Variants in IRAK2 observed in about 807,000 individuals in gnomAD.
IRAK2 encodes interleukin 1 receptor associated kinase 2.
In IRAK2, 57 loss-of-function variants were observed where a neutral mutation model predicts 72.0. The observed-to-expected ratio is 0.79, with a 90% CI of 0.64 to 0.99. The LOEUF (loss-of-function observed/expected upper bound fraction) is 0.99, where lower values mean the gene tolerates loss of function less well. IRAK2 is among the 50% of genes least tolerant of loss of function. The pLI is 0.00. For missense variants in IRAK2, 790 were observed against 794.4 expected, an observed-to-expected ratio of 0.99 and a Z score of 0.07; for synonymous variants, 293 against 312.7, an observed-to-expected ratio of 0.94 and a Z score of 0.67.
intron 8 of IRAK2, among the ~76,000 whole-genome samples, chr3:10,221,308 C>T (rs1431247387): frequency 7.4e-6 from 1 of 135,854 alleles, no homozygotes; most frequent in Non-Finnish European, 1.5e-5. Context: ...GGCTGGAGTG[C>T]AGTGGCACAA....
In IRAK2 at chr3:10,225,354, G is replaced by C. The variant is rs182145006; in HGVS notation, c.1210-1017G>C. ...TTAGTTACTTGCCTAAAGATCACCT[G>C]AGCATATAAGGAACAGAGTCAGAAT... On this transcript the variant is annotated intron_variant, in intron 9 of 12. Transcript: ENST00000256458. Among the ~76,000 whole-genome samples the C allele has an allele frequency of 1.0e-3, 152 of 152,248 alleles. 1 individual carries two copies. The highest frequency in any genetic ancestry group is 3.6e-3 in the African/African-American group (150 of 41,546).
chr3:10,203,637 T>C (rs533919352), intron 3 of IRAK2, among the ~76,000 whole-genome samples: 8 of 152,176 alleles, frequency 5.3e-5, no homozygotes, highest in African/African-American at 1.9e-4. Context: ...ATATGTTTGT[T>C]TGTTTTGTTT....
intron 2 of IRAK2, among the ~76,000 whole-genome samples, chr3:10,184,722 T>TG (rs1444222821): frequency 1.1e-4 from 10 of 90,334 alleles, no homozygotes; most frequent in East Asian, 2.3e-4. Context: ...AGTTTTTGTG[T>TG]GTTTTTTTTT....
intron 12 of IRAK2, among the ~76,000 whole-genome samples, chr3:10,240,216 G>C (rs1359960471): frequency 6.6e-6 from 1 of 151,646 alleles, no homozygotes; most frequent in African/African-American, 2.4e-5. Flanking sequence ...CAGCACTTTG[G>C]GAGGCTGAGG....
intron 1 of IRAK2, among the ~76,000 whole-genome samples, chr3:10,166,487 GT>G (rs1201812093): frequency 6.6e-6 from 1 of 152,190 alleles, no homozygotes; most frequent in East Asian, 1.9e-4. Context: ...CTTTGGGCCA[GT>G]TTGTTAACCT....
chr3:10,206,292 C>T (rs140062781), intron 3 of IRAK2, among the ~76,000 whole-genome samples: 216 of 152,238 alleles, frequency 1.4e-3, no homozygotes, highest in Middle Eastern at 3.4e-3. Context: ...AAGCATGGTC[C>T]GGATGCAGAT....
intron 10 of IRAK2, among the ~76,000 whole-genome samples, chr3:10,229,436 A>G (rs543749965): frequency 6.6e-6 from 1 of 152,308 alleles, no homozygotes; most frequent in East Asian, 1.9e-4. Context: ...TGACAAATGT[A>G]TACAGTCATG....
intron 2 of IRAK2, among the ~76,000 whole-genome samples, chr3:10,188,368 G>A (rs898712975): frequency 6.6e-6 from 1 of 152,170 alleles, no homozygotes; most frequent in Non-Finnish European, 1.5e-5. Context: ...GGAGTCTCAC[G>A]CTGTCACCTG....
intron 10 of IRAK2, among the ~76,000 whole-genome samples, chr3:10,228,955 CAG>C (rs1559452668): frequency 6.7e-6 from 1 of 149,826 alleles, no homozygotes; most frequent in Non-Finnish European, 1.5e-5. Context: ...TTTTTCGAGA[CAG>C]AGTCTCGCTC....
intron 1 of IRAK2, among the ~76,000 whole-genome samples, chr3:10,171,262 T>C (rs73121461): frequency 0.013 from 1,970 of 152,332 alleles, 33 homozygotes; most frequent in African/African-American, 0.045. Flanking sequence ...CCAGCCTTTG[T>C]GCACAGCCCT....
intron 1 of IRAK2, among the ~76,000 whole-genome samples, chr3:10,174,359 C>T (rs1289534400): frequency 1.3e-5 from 2 of 152,136 alleles, no homozygotes; most frequent in Non-Finnish European, 2.9e-5. Context: ...GGTCACAGCA[C>T]TCACTGGCTC....
chr3:10,214,487 T>G (rs925841929), intron 6 of IRAK2, among the ~76,000 whole-genome samples: 3 of 139,058 alleles, frequency 2.2e-5, no homozygotes, highest in Non-Finnish European at 4.6e-5. Context: ...TGCCTTGACC[T>G]CCCAAGATGT....
At chr3:10,173,091 G>C (rs549207206) in intron 1 of IRAK2, among the ~76,000 whole-genome samples, 7 of 152,158 alleles carry the variant, frequency 4.6e-5, no homozygotes, top group Admixed American at 2.6e-4. Flanking sequence ...TCTGTACATA[G>C]AACTCATCTA....
intron 1 of IRAK2, among the ~76,000 whole-genome samples, chr3:10,171,261 G>A (rs747379498): frequency 3.9e-5 from 6 of 152,190 alleles, no homozygotes; most frequent in Non-Finnish European, 8.8e-5. Context: ...GCCAGCCTTT[G>A]TGCACAGCCC....
At chr3:10,225,808 C>T (rs753095797) in intron 9 of IRAK2, among the ~76,000 whole-genome samples, 3 of 151,926 alleles carry the variant, frequency 2.0e-5, no homozygotes, top group Admixed American at 6.6e-5. Context: ...ACGCCATTCT[C>T]CTGCCTCAGC....
At chr3:10,172,795 G>A (rs1334904225) in intron 1 of IRAK2, among the ~76,000 whole-genome samples, 7 of 132,722 alleles carry the variant, frequency 5.3e-5, no homozygotes, top group Admixed American at 5.2e-4. Flanking sequence ...CCAAGATCGC[G>A]CCACTGCACT....
intron 1 of IRAK2, among the ~76,000 whole-genome samples, chr3:10,175,402 T>TAGGCATGA (rs1367552725): frequency 6.6e-6 from 1 of 152,106 alleles, no homozygotes; most frequent in Non-Finnish European, 1.5e-5. Flanking sequence ...GCTAGGATTA[T>TAGGCATGA]AGGCATGAGC....
At chr3:10,170,425 C>G (rs1387562065) in intron 1 of IRAK2, among the ~76,000 whole-genome samples, 1 of 152,156 alleles carries the variant, frequency 6.6e-6, no homozygotes, top group Non-Finnish European at 1.5e-5. Context: ...GGATGTTTTC[C>G]AAGGGTATTA....
chr3:10,185,360 C>T lies in IRAK2; in HGVS notation c.277+7340C>T, dbSNP rs554451129. ...ATCACCTGAGGTCGGGAGTTCGGGACCAGCCTGACCAACATGGAGAAACCC... is the reference window on the plus strand; with the variant it reads ...ATCACCTGAGGTCGGGAGTTCGGGATCAGCCTGACCAACATGGAGAAACCC... On this transcript the variant is annotated intron_variant, in intron 2 of 12. Coordinates refer to ENST00000256458, the MANE Select transcript of IRAK2 (RefSeq NM_001570.4). Among the ~76,000 whole-genome samples, 996 of 149,986 alleles carry T rather than the reference C, an allele frequency of 6.6e-3. 48 individuals are homozygous for T. Among genetic ancestry groups the T allele is most frequent in the African/African-American group, 0.024 (968 of 40,132 alleles).
Sources: gnomAD v4.1 joint callset for allele counts (sites outside exome capture counted in the v4.1 genomes callset) on GRCh38, gnomAD v4.1.1 for gene constraint, MANE v1.5 for transcripts, NCBI Gene and HGNC (gene_info 2026-07-23, HGNC 2026-07-21) for gene names.